Variants in DDR2 observed in about 807,000 individuals in gnomAD.
DDR2 encodes the protein discoidin domain receptor tyrosine kinase 2, also known as discoidin domain-containing receptor 2.
DDR2 carries 27 observed loss-of-function variants against 94.9 expected under a neutral mutation model. That is an observed-to-expected ratio of 0.28 (90% CI 0.21 to 0.39). The LOEUF (loss-of-function observed/expected upper bound fraction) is 0.39. Among genes scored for constraint, DDR2 ranks in the 10% least tolerant of loss-of-function variants. The pLI is 1.00. For missense variants in DDR2, 783 were observed against 1,076.0 expected, an observed-to-expected ratio of 0.73 and a Z score of 3.81; for synonymous variants, 382 against 377.2, an observed-to-expected ratio of 1.01 and a Z score of -0.15.
At chr1:162,677,432 C>T (rs572153464) in intron 2 of DDR2, among the ~76,000 whole-genome samples, 1 of 152,206 alleles carries the variant, frequency 6.6e-6, no homozygotes, top group Non-Finnish European at 1.5e-5. Context: ...TAGCTGATTA[C>T]AGTTTGCAAT....
chr1:162,674,173 T>C (rs554809778), intron 2 of DDR2, among the ~76,000 whole-genome samples: 8 of 152,280 alleles, frequency 5.3e-5, no homozygotes, highest in African/African-American at 1.7e-4. Context: ...ACTCAATAAA[T>C]GGCAAAACCA....
chr1:162,680,534 C>T (rs147221558), intron 2 of DDR2, among the ~76,000 whole-genome samples: 458 of 152,252 alleles, frequency 3.0e-3, no homozygotes, highest in African/African-American at 0.01. Context: ...TTGGTTACTA[C>T]AGCCCTGCAG....
chr1:162,765,978 G>C, intron 9 of DDR2, 23 bp from the exon 10 acceptor site: 1 of 1,613,484 alleles, frequency 6.2e-7, no homozygotes, highest in Non-Finnish European at 8.5e-7. Flanking sequence ...CCCTGGCTCT[G>C]ACTCACCCTT....
chr1:162,747,918 A>C (rs1158719145), intron 3 of DDR2, among the ~76,000 whole-genome samples: 1 of 152,222 alleles, frequency 6.6e-6, no homozygotes, highest in East Asian at 1.9e-4. Context: ...TAAGTGAAGG[A>C]GAAATAAAAT....
intron 3 of DDR2, among the ~76,000 whole-genome samples, chr1:162,750,248 C>T (rs1051202926): frequency 4.6e-5 from 7 of 152,162 alleles, no homozygotes; most frequent in African/African-American, 1.2e-4. Flanking sequence ...AAAACCCCAT[C>T]ATCTCAGCCC....
chr1:162,753,281 G>A, intron 4 of DDR2, 84 bp downstream of exon 4: 1 of 1,267,952 alleles, frequency 7.9e-7, no homozygotes, highest in Non-Finnish European at 1.1e-6. Context: ...AGGGGCTGGG[G>A]AAGGTGGTGT....
chr1:162,736,546 G>A (rs1285523802), intron 3 of DDR2, among the ~76,000 whole-genome samples: 1 of 152,120 alleles, frequency 6.6e-6, no homozygotes, highest in African/African-American at 2.4e-5. Flanking sequence ...ATATTGGGTG[G>A]AAAATGCTTA....
chr1:162,730,541 G>A (rs1252356852), intron 3 of DDR2, among the ~76,000 whole-genome samples: 1 of 152,194 alleles, frequency 6.6e-6, no homozygotes, highest in East Asian at 1.9e-4. Context: ...GATGTGTACT[G>A]TCTATGTACA....
intron 3 of DDR2, among the ~76,000 whole-genome samples, chr1:162,733,312 A>T (rs1558053122): frequency 6.6e-6 from 1 of 152,150 alleles, no homozygotes; most frequent in Non-Finnish European, 1.5e-5. Context: ...GATCCCTTCC[A>T]CAGAAGGAGT....
intron 2 of DDR2, among the ~76,000 whole-genome samples, chr1:162,701,969 T>A (rs1660452828): frequency 6.6e-6 from 1 of 152,046 alleles, no homozygotes; most frequent in African/African-American, 2.4e-5. Context: ...TGGTAGGGAG[T>A]CACTCATCAC....
intron 9 of DDR2, 34 bp downstream of exon 9, chr1:162,761,488 G>A (rs2102156531): frequency 6.2e-7 from 1 of 1,614,058 alleles, no homozygotes; most frequent in Non-Finnish European, 8.5e-7. Context: ...GGAAGTGGGA[G>A]CAAGGTGATG....
At chr1:162,751,046 G>A (rs890165304) in intron 3 of DDR2, among the ~76,000 whole-genome samples, 1 of 152,100 alleles carries the variant, frequency 6.6e-6, no homozygotes, top group Non-Finnish European at 1.5e-5. Flanking sequence ...AAAAACCCTA[G>A]AAGAAAACCT....
At chr1:162,693,256 G>A (rs901333538) in intron 2 of DDR2, among the ~76,000 whole-genome samples, 1 of 152,114 alleles carries the variant, frequency 6.6e-6, no homozygotes, top group African/African-American at 2.4e-5. Flanking sequence ...GATAACACAG[G>A]TATGTTCACT....
intron 2 of DDR2, among the ~76,000 whole-genome samples, chr1:162,716,768 G>A (rs2805037): frequency 1.3e-5 from 2 of 150,326 alleles, no homozygotes; most frequent in South Asian, 4.2e-4. Context: ...AATTGTCTTA[G>A]AAAGCTTCTG....
intron 10 of DDR2, among the ~76,000 whole-genome samples, chr1:162,766,896 G>A (rs1664018832): frequency 6.6e-6 from 1 of 152,020 alleles, no homozygotes; most frequent in African/African-American, 2.4e-5. Flanking sequence ...GCCGGGCGTA[G>A]TGGCGCATGC....
intron 2 of DDR2, among the ~76,000 whole-genome samples, chr1:162,680,306 G>A (rs553858442): frequency 2.0e-5 from 3 of 152,192 alleles, no homozygotes; most frequent in East Asian, 3.9e-4. Context: ...GTTGATTTTC[G>A]TATGTGGTAT....
intron 3 of DDR2, among the ~76,000 whole-genome samples, chr1:162,739,039 T>C (rs1332665492): frequency 1.9e-5 from 2 of 103,196 alleles, no homozygotes; most frequent in Admixed American, 2.1e-4. Context: ...ATTCAGGACA[T>C]AGGCGTGGGC....
At chr1:162,638,713 C>T (rs1388351879) in intron 1 of DDR2, among the ~76,000 whole-genome samples, 1 of 152,160 alleles carries the variant, frequency 6.6e-6, no homozygotes, top group Non-Finnish European at 1.5e-5. Flanking sequence ...TCAGGATGAA[C>T]CCTCTTGAGA....
chr1:162,763,089 G>A (rs1417386713), intron 9 of DDR2, among the ~76,000 whole-genome samples: 1 of 151,920 alleles, frequency 6.6e-6, no homozygotes, highest in Admixed American at 6.6e-5. Context: ...CGCCTGCCTT[G>A]GCCTCCCAAA....
Sources: gnomAD v4.1 joint callset for allele counts (sites outside exome capture counted in the v4.1 genomes callset) on GRCh38, gnomAD v4.1.1 for gene constraint, MANE v1.5 for transcripts, NCBI Gene and HGNC (gene_info 2026-07-23, HGNC 2026-07-21) for gene names.